Variants in MBTD1 observed in about 807,000 individuals in gnomAD.
MBTD1 encodes MBT domain-containing protein 1.
Under a neutral mutation model 87.8 loss-of-function variants are expected in MBTD1, and 24 were observed. That is an observed-to-expected ratio of 0.27 (90% CI 0.20 to 0.38). The LOEUF (loss-of-function observed/expected upper bound fraction) is 0.38, where lower values mean the gene tolerates loss of function less well. Ranked by LOEUF, MBTD1 falls within the 10% of genes least tolerant of loss-of-function variation. The probability of loss-of-function intolerance (pLI) is 1.00; values close to 1 mark genes in which losing one functional copy is unlikely to be tolerated. For synonymous variants in MBTD1, 237 were observed against 248.6 expected (o/e 0.95, Z 0.44); for missense variants, 436 against 760.2 (o/e 0.57, Z 5.02).
rs1411525914 is a variant in MBTD1 at position 51,259,182 on chromosome 17, A to G, written c.-88T>C. The G allele has an allele frequency of 1.9e-6, 2 of 1,066,408 alleles. No homozygotes were observed. Among genetic ancestry groups the G allele is most frequent in the Non-Finnish European group, 2.4e-6 (2 of 836,976 alleles). The allele number at this position is 1,066,408 out of a possible 1,614,324, so 66.1% of individuals were successfully genotyped here. ...GCTGCAGAGGGGACGGCTGCTTTGG[A>G]TGACCTCTAATGTCTCTTCCGACTC... On this transcript the variant is annotated 5_prime_UTR_variant, in exon 2 of 17. Transcript: ENST00000586178.
chr17:51,203,534 C>A (rs1276102750), intron 8 of MBTD1, among the ~76,000 whole-genome samples: 1 of 152,130 alleles, frequency 6.6e-6, no homozygotes, highest in African/African-American at 2.4e-5. Flanking sequence ...TCTGCCTCAG[C>A]CTCCTGAGTA....
intron 16 of MBTD1, among the ~76,000 whole-genome samples, chr17:51,187,324 C>T (rs1197806720): frequency 6.6e-6 from 1 of 151,202 alleles, no homozygotes; most frequent in Admixed American, 6.6e-5. Context: ...TTTGCTTGAG[C>T]CCAAGGGTTC....
chr17:51,203,973 T>G (rs750937744), intron 7 of MBTD1, 48 bp from the exon 8 acceptor site: 1 of 1,448,746 alleles, frequency 6.9e-7, no homozygotes, highest in Non-Finnish European at 9.5e-7. Context: ...TAAAATTAAA[T>G]AAAACAATAC....
At chr17:51,186,334 A>C (rs781232405) in intron 16 of MBTD1, 2 of 152,326 alleles carry the variant, frequency 1.3e-5, no homozygotes, top group African/African-American at 4.8e-5. Context: ...CCAATTATGC[A>C]AAGTTTGTAT....
At chr17:51,257,700 AAAGT>A (rs2055172536) in intron 2 of MBTD1, among the ~76,000 whole-genome samples, 1 of 152,220 alleles carries the variant, frequency 6.6e-6, no homozygotes, top group Non-Finnish European at 1.5e-5. Flanking sequence ...GTTCATGTTT[AAAGT>A]AAGCAGGAAA....
At chr17:51,195,713 G>A (rs1207254512) in intron 12 of MBTD1, among the ~76,000 whole-genome samples, 1 of 152,192 alleles carries the variant, frequency 6.6e-6, no homozygotes, top group African/African-American at 2.4e-5. Context: ...ATCCTACTTG[G>A]TAACACTTTG....
At chr17:51,258,331 C>A (rs1358606748) in intron 2 of MBTD1, among the ~76,000 whole-genome samples, 1 of 152,116 alleles carries the variant, frequency 6.6e-6, no homozygotes, top group Non-Finnish European at 1.5e-5. Context: ...CAGCATAGCT[C>A]ACCAAATGAA....
rs568231158 is a variant in MBTD1, at chr17:51,195,381, C to G, written c.1225-20G>C. ...TAGCACCTTTTCAATGAAGAGAATTCTAAGTACTTGAAATTAGATACCACT... is the reference window on the plus strand; with the variant it reads ...TAGCACCTTTTCAATGAAGAGAATTGTAAGTACTTGAAATTAGATACCACT... On this transcript the variant is annotated intron_variant, in intron 12 of 16. Coordinates refer to ENST00000586178, the MANE Select transcript of MBTD1 (RefSeq NM_017643.3). The G allele has an allele frequency of 6.4e-7, 1 of 1,553,052 alleles. No homozygotes were observed. Among genetic ancestry groups the G allele is most frequent in the Admixed American group, 2.0e-5 (1 of 49,374 alleles).
intron 10 of MBTD1, 38 bp downstream of exon 10, chr17:51,202,663 T>C (rs1343029189): frequency 2.1e-6 from 3 of 1,457,928 alleles, no homozygotes; most frequent in Non-Finnish European, 2.9e-6. Context: ...TCAGCCTCAA[T>C]GATGCTTTTG....
intron 6 of MBTD1, among the ~76,000 whole-genome samples, chr17:51,212,030 A>T (rs1598345928): frequency 6.6e-6 from 1 of 152,214 alleles, no homozygotes; most frequent in East Asian, 1.9e-4. Flanking sequence ...AGAGTATGTC[A>T]CGTAAGTAAC....
intron 2 of MBTD1, among the ~76,000 whole-genome samples, chr17:51,253,058 G>A (rs566880513): frequency 4.2e-4 from 63 of 151,708 alleles, no homozygotes; most frequent in Non-Finnish European, 6.8e-4. Context: ...TTTAATTATT[G>A]TACTATCAAG....
At chr17:51,232,683 T>C (rs2053609870) in intron 2 of MBTD1, among the ~76,000 whole-genome samples, 1 of 150,760 alleles carries the variant, frequency 6.6e-6, no homozygotes, top group South Asian at 2.1e-4. Flanking sequence ...AAGGAGTGAG[T>C]ATGGAGAATG....
At chr17:51,255,099 G>C (rs1016466856) in intron 2 of MBTD1, among the ~76,000 whole-genome samples, 1 of 152,128 alleles carries the variant, frequency 6.6e-6, no homozygotes, top group Non-Finnish European at 1.5e-5. Context: ...TGGCCAATAT[G>C]ATGAAACCCC....
rs1279351719 is a variant in MBTD1 at position 51,197,161 on chromosome 17, G to A, written c.1225-1800C>T. Among the ~76,000 whole-genome samples, 4 of 133,658 alleles carry A rather than the reference G, an allele frequency of 3.0e-5. No homozygotes were observed. The Admixed American group carries it at 3.3e-4, about 11-fold the overall frequency. The allele number at this position is 133,658 out of a possible 152,430, so 87.7% of individuals were successfully genotyped here. ...TTGTTGCCCAGGCTGGAGTGCAGTG[G>A]TGCAATCTCAGCTCATTGCAACCTC... is the stretch of plus-strand genomic sequence containing the variant. On this transcript the variant is annotated intron_variant, in intron 12 of 16. Transcript: ENST00000586178.
chr17:51,246,799 A>G (rs1015186917), intron 2 of MBTD1, among the ~76,000 whole-genome samples: 4 of 151,324 alleles, frequency 2.6e-5, no homozygotes, highest in Non-Finnish European at 5.9e-5. Context: ...CCACACCCAG[A>G]TAATTTTTTT....
chr17:51,183,665 T>G (rs1373585537), intron 16 of MBTD1: 3 of 152,226 alleles, frequency 2.0e-5, no homozygotes. Flanking sequence ...CAGTTAGTTC[T>G]TCCTTTCATT....
At chr17:51,255,961 A>G (rs2055065155) in intron 2 of MBTD1, among the ~76,000 whole-genome samples, 1 of 152,218 alleles carries the variant, frequency 6.6e-6, no homozygotes, top group African/African-American at 2.4e-5. Flanking sequence ...AGAAATACAA[A>G]GAAGTATTAG....
At chr17:51,195,744 T>C (rs1344463401) in intron 12 of MBTD1, among the ~76,000 whole-genome samples, 2 of 152,228 alleles carry the variant, frequency 1.3e-5, no homozygotes, top group African/African-American at 4.8e-5. Context: ...TTCTGATTTA[T>C]CACATACAGA....
At chr17:51,189,916 G>A (rs772882170) in intron 16 of MBTD1, among the ~76,000 whole-genome samples, 2 of 152,198 alleles carry the variant, frequency 1.3e-5, no homozygotes, top group Admixed American at 6.5e-5. Context: ...TATCAGACCT[G>A]GCAAGCAGCT....
Sources: allele counts gnomAD v4.1 joint callset (sites outside exome capture counted in the v4.1 genomes callset), GRCh38; gene constraint gnomAD v4.1.1; transcripts MANE v1.5; gene names NCBI Gene and HGNC (gene_info 2026-07-23, HGNC 2026-07-21).